The following ACSM1 variants were observed in gnomAD, a reference collection of about 807,000 sequenced individuals.
The protein encoded by ACSM1 is acyl-CoA synthetase medium chain family member 1.
A neutral mutation model predicts 75.8 loss-of-function variants in ACSM1; 79 were observed. The observed-to-expected ratio is 1.04, with a 90% CI of 0.87 to 1.26. ACSM1 has a LOEUF of 1.26. Ranked by LOEUF, ACSM1 falls within the 50% of genes most tolerant of loss-of-function variation. The pLI, the probability that ACSM1 is intolerant of heterozygous loss-of-function variation, is 0.00. For synonymous variants in ACSM1, 279 were observed against 265.8 expected (o/e 1.05, Z -0.48); for missense variants, 676 against 720.1 (o/e 0.94, Z 0.70).
rs2018453580 is a variant in ACSM1, at chr16:20,648,005, C to A, written c.993-7421G>T. 6.6e-6 allele frequency among the ~76,000 whole-genome samples: 1 copy of A among 152,192 alleles called. No individual in the cohort carries two copies. Among genetic ancestry groups the A allele is most frequent in the Non-Finnish European group, 1.5e-5 (1 of 68,038 alleles). Reference sequence around the variant, plus strand: ...TTGGATTACCAATAAATAGCATGGGCTCCCAGAGCTCAGGAACTTTGCAGC... The same window carrying A: ...TTGGATTACCAATAAATAGCATGGGATCCCAGAGCTCAGGAACTTTGCAGC... On this transcript the variant is annotated intron_variant, in intron 7 of 13. Coordinates refer to ENST00000520010, the MANE Select transcript of ACSM1 (RefSeq NM_001318890.3). The surrounding 1 kb of genome is among the most constrained non-coding windows in gnomAD (Gnocchi z 4.2).
intron 7 of ACSM1, among the ~76,000 whole-genome samples, chr16:20,654,186 A>T (rs2018811837): frequency 6.6e-6 from 1 of 152,238 alleles, no homozygotes; most frequent in Non-Finnish European, 1.5e-5. Flanking sequence ...TGGCTCTGGG[A>T]TAACTGGCTA....
At chr16:20,637,779 T>C (rs887043522) in intron 8 of ACSM1, among the ~76,000 whole-genome samples, 1 of 152,236 alleles carries the variant, frequency 6.6e-6, no homozygotes, top group Non-Finnish European at 1.5e-5. Flanking sequence ...ATGCCCACCA[T>C]TGAACAGGCA....
At chr16:20,689,501 A>G (rs1188870321) in intron 2 of ACSM1, among the ~76,000 whole-genome samples, 1 of 152,158 alleles carries the variant, frequency 6.6e-6, no homozygotes, top group Non-Finnish European at 1.5e-5. Context: ...TCCCCAGTCA[A>G]AAGACATAGA....
chr16:20,661,462 T>A (rs1434795792), intron 7 of ACSM1, among the ~76,000 whole-genome samples: 1 of 152,164 alleles, frequency 6.6e-6, no homozygotes. Flanking sequence ...AATGTTATGT[T>A]TTTTTGACTT....
intron 8 of ACSM1, among the ~76,000 whole-genome samples, chr16:20,639,995 G>A (rs1256569860): frequency 6.6e-6 from 1 of 152,162 alleles, no homozygotes; most frequent in Non-Finnish European, 1.5e-5. Flanking sequence ...TGGGCCCCAA[G>A]ATCGTTACTG....
intron 7 of ACSM1, among the ~76,000 whole-genome samples, chr16:20,655,315 T>G (rs555997311): frequency 6.6e-6 from 1 of 151,186 alleles, no homozygotes; most frequent in African/African-American, 2.4e-5. Context: ...AGTTAATGGG[T>G]GCAGCACAGC....
At chr16:20,661,545 T>C (rs2019299431) in intron 7 of ACSM1, among the ~76,000 whole-genome samples, 1 of 152,216 alleles carries the variant, frequency 6.6e-6, no homozygotes, top group Non-Finnish European at 1.5e-5. Context: ...ATGCATTTTC[T>C]GTACAATTGT....
chr16:20,683,234 C>CA (rs560888670), intron 3 of ACSM1, among the ~76,000 whole-genome samples: 182 of 152,218 alleles, frequency 1.2e-3, no homozygotes, highest in African/African-American at 4.2e-3. Flanking sequence ...TGTCCTGTCT[C>CA]AGCCTCTCCA....
At chr16:20,691,752 T>C (rs71374488) in intron 1 of ACSM1, among the ~76,000 whole-genome samples, 251 of 2,710 alleles carry the variant, frequency 0.093, 2 homozygotes, top group South Asian at 0.19. Context: ...ACCTCTCCAA[T>C]GTGTGTGTGT....
intron 7 of ACSM1, among the ~76,000 whole-genome samples, chr16:20,645,289 T>C (rs2018297838): frequency 6.6e-6 from 1 of 152,202 alleles, no homozygotes; most frequent in African/African-American, 2.4e-5. Context: ...ATTAGGACTA[T>C]AGAGGATGCT....
chr16:20,668,971 C>T (rs905503932), intron 6 of ACSM1, among the ~76,000 whole-genome samples: 1 of 152,042 alleles, frequency 6.6e-6, no homozygotes, highest in African/African-American at 2.4e-5. Context: ...TAAAGAAATG[C>T]TGTTTATCCA....
At chr16:20,625,367 G>A in intron 12 of ACSM1, 56 bp downstream of exon 12, 2 of 1,548,452 alleles carry the variant, frequency 1.3e-6, no homozygotes, top group Admixed American at 1.7e-5. Context: ...TGTTTCCCCT[G>A]CACCTGCTTT....
At position 20,628,810 on chromosome 16, in the gene ACSM1, C is replaced by T. The variant is rs186865557; in HGVS notation, c.1300-1494G>A. Among the ~76,000 whole-genome samples, 212 of 152,110 alleles carry T rather than the reference C, an allele frequency of 1.4e-3. 2 individuals carry two copies. Among genetic ancestry groups the T allele is most frequent in the East Asian group, 9.5e-3 (49 of 5,176 alleles). On this transcript the variant is annotated intron_variant, in intron 10 of 13. Coordinates refer to ENST00000520010, the MANE Select transcript of ACSM1 (RefSeq NM_001318890.3). ...TCGCCCATTTTAAATAAGAAAAAAA[C>T]CTAAGCTTGAGGGAGGCACATTTGC...
intron 11 of ACSM1, among the ~76,000 whole-genome samples, chr16:20,625,761 G>A (rs942222109): frequency 5.3e-5 from 8 of 152,312 alleles, no homozygotes; most frequent in South Asian, 2.1e-4. Context: ...GATGGAGGAC[G>A]GCTAATGTTT....
At chr16:20,687,849 C>T (rs1219176707) in intron 2 of ACSM1, among the ~76,000 whole-genome samples, 6 of 152,012 alleles carry the variant, frequency 3.9e-5, no homozygotes, top group African/African-American at 1.2e-4. Flanking sequence ...TTTGGGAGGC[C>T]GAGGCTACCG....
At chr16:20,693,524 C>A (rs2079674008) in intron 1 of ACSM1, among the ~76,000 whole-genome samples, 2 of 152,196 alleles carry the variant, frequency 1.3e-5, no homozygotes, top group African/African-American at 4.8e-5. Context: ...TTCCCTCTTG[C>A]TCACTTTCAA....
chr16:20,669,441 AACACACACACACACACAC>A (rs71149170), intron 6 of ACSM1, among the ~76,000 whole-genome samples: 4 of 141,252 alleles, frequency 2.8e-5, no homozygotes, highest in Non-Finnish European at 6.2e-5. Flanking sequence ...TGAGTAAGAA[AACACACACACACACACAC>A]ACACACACAC....
chr16:20,661,752 A>C (rs764795498), intron 7 of ACSM1, 42 bp downstream of exon 7: 1 of 1,439,194 alleles, frequency 6.9e-7, no homozygotes, highest in East Asian at 2.3e-5. Flanking sequence ...GATTCCTTAA[A>C]ATCTTACCCA....
intron 4 of ACSM1, among the ~76,000 whole-genome samples, chr16:20,672,948 T>C (rs55764328): frequency 0.14 from 18,981 of 138,620 alleles, 1,871 homozygotes; most frequent in East Asian, 0.49. Context: ...AAAACATTTA[T>C]ATATTATATC....
Sources: allele counts gnomAD v4.1 joint callset (sites outside exome capture counted in the v4.1 genomes callset), GRCh38; gene constraint gnomAD v4.1.1; non-coding constraint Gnocchi (gnomAD v3.1); transcripts MANE v1.5; gene names NCBI Gene and HGNC (gene_info 2026-07-23, HGNC 2026-07-21).